The following GTF2E2 variants were observed in gnomAD, a reference collection of about 807,000 sequenced individuals.
GTF2E2 encodes the protein transcription initiation factor IIE subunit beta.
A neutral mutation model predicts 40.5 loss-of-function variants in GTF2E2; 21 were observed. That is an observed-to-expected ratio of 0.52 (90% CI 0.37 to 0.75). The LOEUF (loss-of-function observed/expected upper bound fraction) is 0.75, where lower values mean the gene tolerates loss of function less well. Ranked by LOEUF, GTF2E2 falls within the 30% of genes least tolerant of loss-of-function variation. The pLI is 0.00. For missense variants in GTF2E2, 298 were observed against 338.4 expected, an observed-to-expected ratio of 0.88 and a Z score of 0.94; for synonymous variants, 117 against 121.6, an observed-to-expected ratio of 0.96 and a Z score of 0.25.
In GTF2E2 at chr8:30,602,689, G is replaced by A. The variant is rs919536566; in HGVS notation, c.643+4368C>T. On this transcript the variant is annotated intron_variant, in intron 6 of 7. Coordinates refer to ENST00000355904, the MANE Select transcript of GTF2E2 (RefSeq NM_002095.6). ...GAATTGCTTGAACCCGGGAGGCAGA[G>A]GTTGTTGTGAGCCAAGACTGCACCA... Among the ~76,000 whole-genome samples the A allele has an allele frequency of 3.4e-5, 5 of 148,666 alleles. No individual in the cohort carries two copies. The South Asian group carries it at 6.7e-4, about 20-fold the overall frequency.
At chr8:30,645,764 A>G in intron 2 of GTF2E2, 1 of 626,548 alleles carries the variant, frequency 1.6e-6, no homozygotes, top group Non-Finnish European at 2.7e-6. Flanking sequence ...TTGTGTGTAT[A>G]GCCATTTCAT....
At chr8:30,627,489 T>C (rs199782078) in intron 3 of GTF2E2, among the ~76,000 whole-genome samples, 1 of 151,708 alleles carries the variant, frequency 6.6e-6, no homozygotes, top group Non-Finnish European at 1.5e-5. Context: ...CATCGCTTTT[T>C]TCAGAGAGGT....
rs1484520342 is a variant in GTF2E2, at chr8:30,627,483, G to A, written c.258+7549C>T. On this transcript the variant is annotated intron_variant, in intron 3 of 7. Transcript: ENST00000355904. ...AAAAAAAAAAAAAACTCAGGACATC[G>A]CTTTTTTCAGAGAGGTACTAGCAGC... Among the ~76,000 whole-genome samples the A allele has an allele frequency of 5.7e-5, 8 of 140,712 alleles. 1 individual carries two copies. The East Asian group carries it at 1.6e-3, about 29-fold the overall frequency. The allele number at this position is 140,712 out of a possible 152,430, so 92.3% of individuals were successfully genotyped here.
intron 6 of GTF2E2, among the ~76,000 whole-genome samples, chr8:30,593,221 G>T (rs368380212): frequency 2.0e-3 from 303 of 152,230 alleles, no homozygotes; most frequent in African/African-American, 7.1e-3. Flanking sequence ...TACATGCACA[G>T]TATTCTGCTG....
At position 30,614,725 on chromosome 8, in the gene GTF2E2, GA is replaced by G; in HGVS notation, c.259-11del. The G allele has an allele frequency of 6.7e-7, 1 of 1,494,412 alleles. No individual in the cohort carries two copies. Among genetic ancestry groups the G allele is most frequent in the Non-Finnish European group, 9.3e-7 (1 of 1,077,668 alleles). 92.6% of individuals were successfully genotyped at this position (1,494,412 alleles called of 1,614,324 possible). On this transcript the variant is annotated splice_polypyrimidine_tract_variant and intron_variant, in intron 3 of 7. Transcript: ENST00000355904. ...CTCGCTGATGCCGTGTCTATCAAGTGAAGAAATTGTTATTAGAAGACAGTTT... is the reference window on the plus strand; with the variant it reads ...CTCGCTGATGCCGTGTCTATCAAGTGAGAAATTGTTATTAGAAGACAGTTT...
chr8:30,614,557 A>AC (rs1563488460), intron 4 of GTF2E2, 51 bp downstream of exon 4: 1 of 1,051,826 alleles, frequency 9.5e-7, no homozygotes, highest in South Asian at 1.3e-5. Context: ...TAAAAAAAAA[A>AC]GAAAATTCTA....
rs200159839 is a variant in GTF2E2 at position 30,653,630 on chromosome 8, T to C, written c.-4-28A>G. 5 of 1,560,580 alleles carry C rather than the reference T, an allele frequency of 3.2e-6. No homozygotes were observed. The Admixed American group carries it at 5.5e-5, about 17-fold the overall frequency. ...ACAAAGAAAAAATAAGTGTCTTTAA[T>C]ACAAATTCAAGTCACTCAAACCTGC... On this transcript the variant is annotated intron_variant, in intron 1 of 7. Coordinates refer to ENST00000355904, the MANE Select transcript of GTF2E2 (RefSeq NM_002095.6).
intron 3 of GTF2E2, among the ~76,000 whole-genome samples, chr8:30,627,013 G>A (rs530003403): frequency 1.3e-5 from 2 of 152,282 alleles, no homozygotes; most frequent in East Asian, 1.9e-4. Flanking sequence ...AGAATTTATT[G>A]TCTAAAAAGG....
At chr8:30,653,763 T>C (rs1802362771) in intron 1 of GTF2E2, among the ~76,000 whole-genome samples, 161 bp from the exon 2 acceptor site, 1 of 152,092 alleles carries the variant, frequency 6.6e-6, no homozygotes, top group South Asian at 2.1e-4. Context: ...TCAAGAAATA[T>C]TTCATTAGCG....
At chr8:30,629,074 C>T (rs1801364864) in intron 3 of GTF2E2, among the ~76,000 whole-genome samples, 1 of 152,066 alleles carries the variant, frequency 6.6e-6, no homozygotes, top group African/African-American at 2.4e-5. Flanking sequence ...TACTCCATCA[C>T]AATGTATTAT....
At chr8:30,651,513 G>T (rs1242360038) in intron 2 of GTF2E2, among the ~76,000 whole-genome samples, 2 of 152,110 alleles carry the variant, frequency 1.3e-5, no homozygotes, top group Admixed American at 6.5e-5. Flanking sequence ...CCAACACTCT[G>T]GGAGGCTGAG....
intron 3 of GTF2E2, among the ~76,000 whole-genome samples, chr8:30,621,342 C>T (rs1283226728): frequency 1.3e-5 from 2 of 151,958 alleles, no homozygotes; most frequent in South Asian, 2.1e-4. Context: ...AAAGCCTAAC[C>T]ATTTTCACTG....
At chr8:30,645,555 T>C in intron 2 of GTF2E2, 1 of 1,535,646 alleles carries the variant, frequency 6.5e-7, no homozygotes, top group South Asian at 1.2e-5. Context: ...CTCTTAGAAG[T>C]ATGATGGACA....
intron 3 of GTF2E2, among the ~76,000 whole-genome samples, chr8:30,623,974 A>G (rs1302351863): frequency 6.6e-6 from 1 of 151,994 alleles, no homozygotes; most frequent in Non-Finnish European, 1.5e-5. Context: ...CTGTTCACTC[A>G]GATGGTAGTT....
At chr8:30,653,242 A>C (rs911936950) in intron 2 of GTF2E2, among the ~76,000 whole-genome samples, 191 bp downstream of exon 2, 2 of 152,214 alleles carry the variant, frequency 1.3e-5, no homozygotes, top group Non-Finnish European at 2.9e-5. Flanking sequence ...AAGAGGTAAT[A>C]ACCTAAATTT....
At chr8:30,636,323 G>A (rs1401209503) in intron 2 of GTF2E2, among the ~76,000 whole-genome samples, 1 of 152,118 alleles carries the variant, frequency 6.6e-6, no homozygotes, top group African/African-American at 2.4e-5. Flanking sequence ...AAGTAAAAGG[G>A]GAGAGGAGAA....
intron 2 of GTF2E2, among the ~76,000 whole-genome samples, chr8:30,641,826 A>C (rs1801845499): frequency 6.6e-6 from 1 of 152,126 alleles, no homozygotes; most frequent in African/African-American, 2.4e-5. Context: ...CAGTGAGTCA[A>C]GATTGTGCCA....
intron 6 of GTF2E2, among the ~76,000 whole-genome samples, chr8:30,606,153 A>G (rs971581406): frequency 1.3e-5 from 2 of 152,228 alleles, no homozygotes; most frequent in Admixed American, 6.5e-5. Context: ...AGAAACAACA[A>G]CATCAAAGAA....
chr8:30,643,589 G>C (rs922852124), intron 2 of GTF2E2: 4 of 151,128 alleles, frequency 2.6e-5, no homozygotes, highest in African/African-American at 7.3e-5. Flanking sequence ...CCAGGAGGCG[G>C]AGGTTGCAGT....
Sources: gnomAD v4.1 joint callset for allele counts (sites outside exome capture counted in the v4.1 genomes callset) on GRCh38, gnomAD v4.1.1 for gene constraint, MANE v1.5 for transcripts, NCBI Gene and HGNC (gene_info 2026-07-23, HGNC 2026-07-21) for gene names.